Variants in C1orf185 observed in about 807,000 individuals in gnomAD.
C1orf185 encodes the protein chromosome 1 open reading frame 185.
A neutral mutation model predicts 16.1 loss-of-function variants in C1orf185; 13 were observed. The ratio of observed to expected loss-of-function variants is 0.81; its 90% CI spans 0.53 to 1.28. The LOEUF is 1.28. Among genes scored for constraint, C1orf185 ranks in the 50% most tolerant of loss-of-function variants. The pLI is 0.00. For missense variants in C1orf185, 220 were observed against 225.2 expected (o/e 0.98, Z 0.15); for synonymous variants, 80 against 76.9 (o/e 1.04, Z -0.21).
chr1:51,136,297 G>A (rs533459290), intron 3 of C1orf185, among the ~76,000 whole-genome samples: 101 of 149,180 alleles, frequency 6.8e-4, no homozygotes, highest in Non-Finnish European at 1.3e-3. Flanking sequence ...CATAGAACTA[G>A]AAAAAAAATC....
At chr1:51,104,794 G>T (rs1646056862) in intron 1 of C1orf185, among the ~76,000 whole-genome samples, 1 of 152,098 alleles carries the variant, frequency 6.6e-6, no homozygotes, top group Admixed American at 6.6e-5. Flanking sequence ...TGGCTTAAGT[G>T]TCATTTCTAG....
chr1:51,136,759 C>T (rs909627093), intron 3 of C1orf185, among the ~76,000 whole-genome samples: 16 of 151,930 alleles, frequency 1.1e-4, no homozygotes, highest in Non-Finnish European at 1.6e-4. Context: ...TAACTCAAGA[C>T]GGATTAAAGA....
intron 3 of C1orf185, among the ~76,000 whole-genome samples, chr1:51,123,983 G>T (rs6588399): frequency 0.68 from 102,801 of 150,572 alleles, 37,653 homozygotes; most frequent in Admixed American, 0.8. Context: ...TATATATATA[G>T]AGAGAGAGAG....
At chr1:51,128,907 T>G (rs1646261886) in intron 3 of C1orf185, among the ~76,000 whole-genome samples, 1 of 151,816 alleles carries the variant, frequency 6.6e-6, no homozygotes, top group African/African-American at 2.4e-5. Flanking sequence ...TGTTTTGAGA[T>G]GGAGTCTGGC....
intron 1 of C1orf185, among the ~76,000 whole-genome samples, chr1:51,106,960 T>C (rs553330190): frequency 6.6e-6 from 1 of 152,242 alleles, no homozygotes; most frequent in South Asian, 2.1e-4. Flanking sequence ...GGTTTTACCG[T>C]GTTGGCCAGG....
chr1:51,108,941 A>G (rs1453170991), intron 1 of C1orf185, among the ~76,000 whole-genome samples: 1 of 152,194 alleles, frequency 6.6e-6, no homozygotes, highest in African/African-American at 2.4e-5. Context: ...TATATGCAGA[A>G]GTGGAATTGC....
chr1:51,103,884 A>G (rs576240536), intron 1 of C1orf185, among the ~76,000 whole-genome samples: 79 of 152,282 alleles, frequency 5.2e-4, no homozygotes, highest in African/African-American at 1.8e-3. Context: ...GCTTGCTGTA[A>G]TTCTGTGAGA....
At chr1:51,113,624 G>A (rs1004268765) in intron 2 of C1orf185, among the ~76,000 whole-genome samples, 1 of 152,186 alleles carries the variant, frequency 6.6e-6, no homozygotes, top group Non-Finnish European at 1.5e-5. Flanking sequence ...TGCAGAGGTT[G>A]CAGTGAGCCG....
At chr1:51,119,178 G>C (rs1646179705) in intron 3 of C1orf185, among the ~76,000 whole-genome samples, 2 of 152,226 alleles carry the variant, frequency 1.3e-5, no homozygotes, top group Admixed American at 1.3e-4. Context: ...CTTTGACAAT[G>C]ATGTACTAAG....
intron 4 of C1orf185, among the ~76,000 whole-genome samples, chr1:51,147,116 A>G (rs1646405706): frequency 6.6e-6 from 1 of 152,174 alleles, no homozygotes; most frequent in Non-Finnish European, 1.5e-5. Flanking sequence ...GTAATGCAAT[A>G]TTTACACAAA....
intron 2 of C1orf185, 105 bp from the exon 3 acceptor site, chr1:51,118,557 GTATT>G (rs1646174177): frequency 3.1e-6 from 2 of 655,662 alleles, no homozygotes; most frequent in Non-Finnish European, 4.6e-6. Context: ...ATGCTATAAT[GTATT>G]TATTCTGATT....
chr1:51,145,220 G>A (rs12145041), intron 3 of C1orf185, among the ~76,000 whole-genome samples: 135 of 151,864 alleles, frequency 8.9e-4, no homozygotes, highest in Non-Finnish European at 1.7e-3. Flanking sequence ...CAGGAAGATC[G>A]CTTGAGCCCA....
At chr1:51,112,207 C>T (rs986692588) in intron 1 of C1orf185, among the ~76,000 whole-genome samples, 4 of 151,272 alleles carry the variant, frequency 2.6e-5, no homozygotes, top group African/African-American at 7.3e-5. Flanking sequence ...CAAACACAAA[C>T]GAAACCTAGG....
Position 51,112,511 on chromosome 1 carries a change from T to C in C1orf185, c.64T>C (p.Leu22=). 6.4e-7 allele frequency: 1 copy of C among 1,551,166 alleles called. No individual in the cohort carries two copies. The highest frequency in any genetic ancestry group is 8.7e-7 in the Non-Finnish European group (1 of 1,146,744). ...TTTTCTTGCTGCTGGTGCTGTCACTTTGGGAATTGGTTTCTTTGCTTTGGC... is the reference window on the plus strand; with the variant it reads ...TTTTCTTGCTGCTGGTGCTGTCACTCTGGGAATTGGTTTCTTTGCTTTGGC... ...TYFLAAGAVT[L]GIGFFALASA... is the part of the protein sequence containing the mutation. The change falls in exon 2 of 5, where the codon TTG becomes CTG. Residue 22 remains leucine (L), a synonymous_variant. Coordinates refer to ENST00000371759, the MANE Select transcript of C1orf185 (RefSeq NM_001136508.2).
At position 51,140,737 on chromosome 1, in the gene C1orf185, T is replaced by A. The variant is rs2148031348; in HGVS notation, c.259-4987T>A. On this transcript the variant is annotated intron_variant, in intron 3 of 4. Coordinates refer to ENST00000371759, the MANE Select transcript of C1orf185 (RefSeq NM_001136508.2). The stretch of plus-strand genomic sequence containing the variant: ...GCCTTTCAAGGGATTTTCCACTTCA[T>A]CTAAGTTGTCTAATTTATTGGCATA... Among the ~76,000 whole-genome samples, 2 of 152,346 alleles carry A rather than the reference T, an allele frequency of 1.3e-5. 1 individual carries two copies. The highest frequency in any genetic ancestry group is 4.1e-4 in the South Asian group (2 of 4,832).
intron 3 of C1orf185, among the ~76,000 whole-genome samples, chr1:51,140,098 G>A (rs929626672): frequency 1.3e-5 from 2 of 152,144 alleles, no homozygotes; most frequent in African/African-American, 4.8e-5. Context: ...AAATAATTAG[G>A]AACAGTAATG....
rs141091428 is a variant in C1orf185 at position 51,114,365 on chromosome 1, G to T, written c.122+1796G>T. Among the ~76,000 whole-genome samples, 923 of 152,284 alleles carry T rather than the reference G, an allele frequency of 6.1e-3. 4 individuals carry two copies. The highest frequency in any genetic ancestry group is 0.014 in the Middle Eastern group (4 of 294). ...TTTCTAAATAGGCACTGTTATAAAT[G>T]CTTCATATGTTATCTCATTCAGACT... On this transcript the variant is annotated intron_variant, in intron 2 of 4. Coordinates refer to ENST00000371759, the MANE Select transcript of C1orf185 (RefSeq NM_001136508.2).
chr1:51,110,480 A>G (rs955563790), intron 1 of C1orf185, among the ~76,000 whole-genome samples: 11 of 152,196 alleles, frequency 7.2e-5, no homozygotes, highest in Non-Finnish European at 1.2e-4. Context: ...GACAGGCACT[A>G]TCTTGAAGCT....
At chr1:51,116,112 C>T (rs544532087) in intron 2 of C1orf185, among the ~76,000 whole-genome samples, 1 of 152,094 alleles carries the variant, frequency 6.6e-6, no homozygotes, top group African/African-American at 2.4e-5. Flanking sequence ...ATTCTATTTA[C>T]CTTACTTCAT....
Sources: gnomAD v4.1 joint callset for allele counts (sites outside exome capture counted in the v4.1 genomes callset) on GRCh38, gnomAD v4.1.1 for gene constraint, MANE v1.5 for transcripts, NCBI Gene and HGNC (gene_info 2026-07-23, HGNC 2026-07-21) for gene names.